The following PPARGC1B variants were observed in gnomAD, a reference collection of about 807,000 sequenced individuals.
PPARGC1B encodes peroxisome proliferator-activated receptor gamma coactivator 1-beta.
A neutral mutation model predicts 101.6 loss-of-function variants in PPARGC1B; 34 were observed. The observed-to-expected ratio is 0.33, with a 90% CI of 0.25 to 0.45. PPARGC1B has a LOEUF of 0.45. Among genes scored for constraint, PPARGC1B ranks in the 20% least tolerant of loss-of-function variants. The pLI, the probability that PPARGC1B is intolerant of heterozygous loss-of-function variation, is 1.00. For synonymous variants in PPARGC1B, 548 were observed against 539.3 expected, an observed-to-expected ratio of 1.02 and a Z score of -0.22; for missense variants, 1,234 against 1,317.6, an observed-to-expected ratio of 0.94 and a Z score of 0.98.
chr5:149,748,908 CAGA>C (rs531368363), intron 1 of PPARGC1B, among the ~76,000 whole-genome samples: 7 of 152,176 alleles, frequency 4.6e-5, no homozygotes, highest in Non-Finnish European at 1.0e-4. Context: ...GGGGAGGTTT[CAGA>C]AGGAGAGTGA....
Position 149,845,569 on chromosome 5 carries a change from A to C in PPARGC1B, c.2817-191A>C, listed in dbSNP as rs148649159. Reference sequence around the variant, plus strand: ...ATGGCCAACACCTGGCAGACATTCAACATATTAGCTGCTTTCATTATTACC... The same window carrying C: ...ATGGCCAACACCTGGCAGACATTCACCATATTAGCTGCTTTCATTATTACC... On this transcript the variant is annotated intron_variant, in intron 10 of 11. Transcript: ENST00000309241. 2,192 of 590,844 alleles carry C rather than the reference A, an allele frequency of 3.7e-3. 40 individuals carry two copies. Among genetic ancestry groups the C allele is most frequent in the African/African-American group, 0.036 (1,934 of 53,928 alleles). The allele number at this position is 590,844 out of a possible 1,614,324, so 36.6% of individuals were successfully genotyped here.
chr5:149,827,054 A>T (rs1183067566), intron 3 of PPARGC1B, among the ~76,000 whole-genome samples, 169 bp downstream of exon 3: 1 of 152,234 alleles, frequency 6.6e-6, no homozygotes, highest in Non-Finnish European at 1.5e-5. Flanking sequence ...GCCCCCCTGG[A>T]CTTAACCTTT....
In PPARGC1B at chr5:149,783,891, G is replaced by A. The variant is rs140496519; in HGVS notation, c.79-36542G>A. The stretch of plus-strand genomic sequence containing the variant: ...CCCCTTTATACCCCTTTATAACCAC[G>A]TTTATACCCATGGCAGTAACCATGT... On this transcript the variant is annotated intron_variant, in intron 1 of 11. Transcript: ENST00000309241. Among the ~76,000 whole-genome samples, 314 of 152,126 alleles carry A rather than the reference G, an allele frequency of 2.1e-3. 2 individuals are homozygous for A. Among genetic ancestry groups the A allele is most frequent in the African/African-American group, 7.0e-3 (291 of 41,506 alleles).
chr5:149,840,020 G>A, intron 8 of PPARGC1B, 21 bp from the exon 9 acceptor site: 1 of 1,613,778 alleles, frequency 6.2e-7, no homozygotes, highest in South Asian at 1.1e-5. Flanking sequence ...GAGTGCCTCT[G>A]CTTTGCTTGT....
intron 1 of PPARGC1B, among the ~76,000 whole-genome samples, chr5:149,733,555 C>CT (rs1417994965): frequency 1.3e-5 from 2 of 152,202 alleles, no homozygotes; most frequent in Non-Finnish European, 2.9e-5. Context: ...ATCATTGTGC[C>CT]TGCAAGGCAC....
At chr5:149,842,404 G>T in intron 10 of PPARGC1B, 27 bp downstream of exon 10, 1 of 1,610,406 alleles carries the variant, frequency 6.2e-7, no homozygotes, top group Non-Finnish European at 8.5e-7. Context: ...CATGGCAAAT[G>T]AAGGGAGCAG....
At position 149,834,600 on chromosome 5, in the gene PPARGC1B, G is replaced by T. The variant is rs1758964530; in HGVS notation, c.1706-74G>T. On this transcript the variant is annotated intron_variant, in intron 5 of 11. Transcript: ENST00000309241. ...TGCTTGGCACCAGTGGAGGCCTAGG[G>T]TCTCCTCCAGAGGGGAAACATCTGC... The T allele has an allele frequency of 5.7e-6, 8 of 1,402,764 alleles. No individual in the cohort carries two copies. In the South Asian group the frequency reaches 9.6e-5, roughly 17 times the overall value. The allele number at this position is 1,402,764 out of a possible 1,614,324, so 86.9% of individuals were successfully genotyped here.
intron 1 of PPARGC1B, among the ~76,000 whole-genome samples, chr5:149,747,649 G>A (rs977907286): frequency 8.5e-5 from 13 of 152,182 alleles, no homozygotes; most frequent in African/African-American, 2.9e-4. Context: ...CCAGGTACCT[G>A]CCCAGCAGCG....
chr5:149,834,020 A>G (rs1435709629), intron 5 of PPARGC1B, among the ~76,000 whole-genome samples: 1 of 152,268 alleles, frequency 6.6e-6, no homozygotes, highest in African/African-American at 2.4e-5. Context: ...GTGCCACTTA[A>G]TGAATTAAGC....
chr5:149,846,174 C>G, intron 11 of PPARGC1B: 1 of 586,362 alleles, frequency 1.7e-6, no homozygotes, highest in Non-Finnish European at 3.0e-6. Context: ...TAGGAAGATT[C>G]AGTCATGTGC....
chr5:149,831,979 A>C (rs181436756), intron 4 of PPARGC1B, among the ~76,000 whole-genome samples: 1 of 152,310 alleles, frequency 6.6e-6, no homozygotes, highest in East Asian at 1.9e-4. Context: ...ACTTATACCC[A>C]TGCAATTGTG....
chr5:149,842,229 T>G (rs370115927), intron 9 of PPARGC1B, 27 bp from the exon 10 acceptor site: 18 of 1,605,042 alleles, frequency 1.1e-5, no homozygotes, highest in Non-Finnish European at 1.4e-5. Flanking sequence ...AATGACGGAG[T>G]CTCTCTCTGT....
intron 1 of PPARGC1B, among the ~76,000 whole-genome samples, chr5:149,741,268 G>A (rs929592841): frequency 3.3e-5 from 5 of 152,214 alleles, no homozygotes; most frequent in Non-Finnish European, 5.9e-5. Context: ...GCCGGCCCAC[G>A]AGTCGCTCCC....
At position 149,848,804 on chromosome 5, in the gene PPARGC1B, C is replaced by A. The variant is rs915312248; in HGVS notation, c.*1246C>A. 3 of 152,226 alleles carry A rather than the reference C, an allele frequency of 2.0e-5. No individual in the cohort carries two copies. Among genetic ancestry groups the A allele is most frequent in the Admixed American group, 1.3e-4 (2 of 15,278 alleles). 9.4% of individuals were successfully genotyped at this position (152,226 alleles called of 1,614,324 possible). ...CCTACTCCCTCAGGTAGTCCTTCGTCTTTACCTTGTCCTTGTCTGTAAAGT... is the reference window on the plus strand; with the variant it reads ...CCTACTCCCTCAGGTAGTCCTTCGTATTTACCTTGTCCTTGTCTGTAAAGT... On this transcript the variant is annotated 3_prime_UTR_variant, in exon 12 of 12. Transcript: ENST00000309241.
chr5:149,855,383 C>G (rs916235303), downstream of PPARGC1B, among the ~76,000 whole-genome samples: 2 of 152,178 alleles, frequency 1.3e-5, no homozygotes, highest in Non-Finnish European at 2.9e-5. Context: ...CCATGAACGA[C>G]TTTTTGCCCT....
intron 4 of PPARGC1B, among the ~76,000 whole-genome samples, chr5:149,831,905 T>C (rs1025704738): frequency 4.6e-5 from 7 of 152,266 alleles, no homozygotes; most frequent in African/African-American, 1.4e-4. Flanking sequence ...TTTTAAACTT[T>C]ATTGAAGTGC....
intron 1 of PPARGC1B, among the ~76,000 whole-genome samples, chr5:149,787,616 A>T (rs978759803): frequency 6.6e-6 from 1 of 152,218 alleles, no homozygotes; most frequent in Non-Finnish European, 1.5e-5. Context: ...CCAGCTCTTA[A>T]GCAGTGTGTC....
At position 149,830,617 on chromosome 5, in the gene PPARGC1B, G is replaced by A. The variant is rs547847015; in HGVS notation, c.466-150G>A. 114 of 676,804 alleles carry A rather than the reference G, an allele frequency of 1.7e-4. No individual in the cohort carries two copies. The South Asian group carries it at 1.9e-3, about 11-fold the overall frequency. The allele number at this position is 676,804 out of a possible 1,614,324, so 41.9% of individuals were successfully genotyped here. On this transcript the variant is annotated intron_variant, in intron 3 of 11. Coordinates refer to ENST00000309241, the MANE Select transcript of PPARGC1B (RefSeq NM_133263.4). ...TCTACCATCTGCACCTAGTATCTTG[G>A]GATCATCATCCCAGGTCATGGAATG...
At chr5:149,801,357 C>G (rs1481226869) in intron 1 of PPARGC1B, among the ~76,000 whole-genome samples, 1 of 152,112 alleles carries the variant, frequency 6.6e-6, no homozygotes, top group Admixed American at 6.5e-5. Flanking sequence ...AAAAAAGTTT[C>G]CTCCAGGAAG....
Sources: gnomAD v4.1 joint callset for allele counts (sites outside exome capture counted in the v4.1 genomes callset) on GRCh38, gnomAD v4.1.1 for gene constraint, MANE v1.5 for transcripts, NCBI Gene and HGNC (gene_info 2026-07-23, HGNC 2026-07-21) for gene names.